The following PARD3 variants were observed in gnomAD, a reference collection of about 807,000 sequenced individuals.
The protein encoded by PARD3 is partitioning defective 3 homolog.
PARD3 carries 75 observed loss-of-function variants against 155.4 expected under a neutral mutation model. The ratio of observed to expected loss-of-function variants is 0.48; its 90% CI spans 0.40 to 0.58. The LOEUF (loss-of-function observed/expected upper bound fraction) is 0.58, where lower values mean the gene tolerates loss of function less well. Among genes scored for constraint, PARD3 ranks in the 20% least tolerant of loss-of-function variants. The probability of loss-of-function intolerance (pLI) is 0.00; values close to 1 mark genes in which losing one functional copy is unlikely to be tolerated. For missense variants in PARD3, 1,642 were observed against 1,721.7 expected, an observed-to-expected ratio of 0.95 and a Z score of 0.82; for synonymous variants, 576 against 610.5, an observed-to-expected ratio of 0.94 and a Z score of 0.83.
At chr10:34,182,653 G>C (rs1020800542) in intron 22 of PARD3, among the ~76,000 whole-genome samples, 2 of 148,554 alleles carry the variant, frequency 1.3e-5, no homozygotes, top group Non-Finnish European at 3.0e-5. Context: ...AAAAGATCAC[G>C]AACAAATCTT....
rs1346336761 is a variant in PARD3 at position 34,517,014 on chromosome 10, C to T, written c.368G>A (p.Ser123Asn). 3.7e-6 allele frequency: 6 copies of T among 1,614,052 alleles called. No homozygotes were observed. The South Asian group carries it at 4.4e-5, about 12-fold the overall frequency. The change falls in exon 3 of 25, where the codon AGT becomes AAT. Residue 123 changes from serine (S) to asparagine (N), a missense_variant. By Grantham distance (46) the Ser-to-Asn change is conservative. Coordinates refer to ENST00000374788, the MANE Select transcript of PARD3 (RefSeq NM_001184785.2). ...GACTGAAGGTGTGACCTCAATTTCA[C>T]TTGTTGCTTGGTAAGGCTGAAAGGC... ...VSAFQPYQATSEIEVTPSVLR... is the reference protein window; with the variant it reads ...VSAFQPYQATNEIEVTPSVLR...
intron 2 of PARD3, among the ~76,000 whole-genome samples, chr10:34,617,770 T>G (rs2091358625): frequency 6.6e-6 from 1 of 152,174 alleles, no homozygotes; most frequent in Non-Finnish European, 1.5e-5. Flanking sequence ...GGGACTGGCT[T>G]CATAAATTTA....
intron 5 of PARD3, among the ~76,000 whole-genome samples, chr10:34,408,397 T>A (rs546890034): frequency 6.6e-6 from 1 of 152,310 alleles, no homozygotes; most frequent in South Asian, 2.1e-4. Flanking sequence ...TTTCCTAACT[T>A]AATGAGAGAC....
intron 14 of PARD3, among the ~76,000 whole-genome samples, chr10:34,351,245 A>G (rs1024949991): frequency 7.1e-6 from 1 of 141,460 alleles, no homozygotes; most frequent in South Asian, 2.8e-4. Flanking sequence ...ATTATTCAAT[A>G]TTTCAGTTTT....
At chr10:34,569,428 T>TA (rs993422802) in intron 2 of PARD3, among the ~76,000 whole-genome samples, 29 of 152,228 alleles carry the variant, frequency 1.9e-4, no homozygotes, top group African/African-American at 6.5e-4. Flanking sequence ...TATATATATA[T>TA]TTTTTTGGAG....
At chr10:34,746,318 A>G (rs1182734015) in intron 1 of PARD3, among the ~76,000 whole-genome samples, 2 of 151,728 alleles carry the variant, frequency 1.3e-5, no homozygotes, top group Non-Finnish European at 2.9e-5. Flanking sequence ...GCATGGCAGC[A>G]CACACCTACA....
intron 2 of PARD3, among the ~76,000 whole-genome samples, chr10:34,674,739 G>A (rs982004156): frequency 2.0e-5 from 3 of 151,946 alleles, no homozygotes; most frequent in East Asian, 1.9e-4. Flanking sequence ...CACCTGTCTC[G>A]GCCTCCCAAA....
chr10:34,272,393 T>C (rs1349292698), intron 21 of PARD3, among the ~76,000 whole-genome samples: 1 of 152,128 alleles, frequency 6.6e-6, no homozygotes, highest in Admixed American at 6.6e-5. Context: ...GAAAAAAATA[T>C]TTGCAAGGCA....
intron 19 of PARD3, among the ~76,000 whole-genome samples, chr10:34,328,671 C>T (rs1169250854): frequency 6.6e-6 from 1 of 152,142 alleles, no homozygotes; most frequent in African/African-American, 2.4e-5. Context: ...TAGTCCAAAT[C>T]TTCAGTTTTA....
intron 3 of PARD3, among the ~76,000 whole-genome samples, chr10:34,491,463 C>G (rs2079901389): frequency 6.6e-6 from 1 of 152,114 alleles, no homozygotes; most frequent in African/African-American, 2.4e-5. Context: ...TTTTCTAACA[C>G]CTCTTTGAAT....
intron 3 of PARD3, among the ~76,000 whole-genome samples, chr10:34,510,576 A>C (rs989469339): frequency 6.6e-6 from 1 of 152,338 alleles, no homozygotes; most frequent in East Asian, 1.9e-4. Context: ...TTCAAGCCTA[A>C]AAAAGATTAG....
At chr10:34,762,046 C>G (rs1356841668) in intron 1 of PARD3, among the ~76,000 whole-genome samples, 1 of 152,086 alleles carries the variant, frequency 6.6e-6, no homozygotes, top group African/African-American at 2.4e-5. Flanking sequence ...CTAGTTTACA[C>G]CCATACTTTT....
At position 34,395,697 on chromosome 10, in the gene PARD3, C is replaced by T. The variant is rs1182642705; in HGVS notation, c.890+3633G>A. On this transcript the variant is annotated intron_variant, in intron 7 of 24. Transcript: ENST00000374788. Reference sequence around the variant, plus strand: ...CTAAAAATACAAAAAATTAGCCGGGCGCGGTGGCGGGCGCCTGTAGTCCCA... The same window carrying T: ...CTAAAAATACAAAAAATTAGCCGGGTGCGGTGGCGGGCGCCTGTAGTCCCA... Among the ~76,000 whole-genome samples the T allele has an allele frequency of 5.0e-5, 4 of 79,424 alleles. 1 individual carries two copies. The highest frequency in any genetic ancestry group is 4.7e-4 in the South Asian group (1 of 2,146). 52.1% of individuals were successfully genotyped at this position (79,424 alleles called of 152,430 possible). A position where few individuals can be genotyped will look rare whatever the true frequency, so the allele number is the denominator to read the frequency against.
Position 34,244,422 on chromosome 10 carries a change from T to G in PARD3, c.3419+25235A>C, listed in dbSNP as rs564135273. Among the ~76,000 whole-genome samples, 12 of 152,318 alleles carry G rather than the reference T, an allele frequency of 7.9e-5. No homozygotes were observed. In the South Asian group the frequency reaches 1.7e-3, roughly 21 times the overall value. On this transcript the variant is annotated intron_variant, in intron 22 of 24. Coordinates refer to ENST00000374788, the MANE Select transcript of PARD3 (RefSeq NM_001184785.2). ...AGAAAACACAGACGAACAGAGATAC[T>G]GAAGGGCCTCAAAATAACCTACATA...
intron 2 of PARD3, among the ~76,000 whole-genome samples, chr10:34,590,347 T>C (rs1048816002): frequency 2.6e-5 from 4 of 152,212 alleles, no homozygotes; most frequent in Non-Finnish European, 5.9e-5. Context: ...TCAGAATATA[T>C]GAGGAATTGT....
rs909911361 is a variant in PARD3, at chr10:34,276,769, G to A, written c.3177-6870C>T. 6.7e-4 allele frequency among the ~76,000 whole-genome samples: 102 copies of A among 151,990 alleles called. 1 individual carries two copies. The highest frequency in any genetic ancestry group is 2.4e-3 in the African/African-American group (100 of 41,490). On this transcript the variant is annotated intron_variant, in intron 21 of 24. Transcript: ENST00000374788. ...AACTCCTTGGGATGCAAAACCAGTG[G>A]TGTCCTTAAACCTCTCAGTTACATA...
intron 22 of PARD3, among the ~76,000 whole-genome samples, chr10:34,202,229 T>C (rs1300991217): frequency 6.6e-6 from 1 of 152,104 alleles, no homozygotes; most frequent in East Asian, 1.9e-4. Context: ...CATACCATAA[T>C]ACCCGGCTAA....
intron 2 of PARD3, among the ~76,000 whole-genome samples, chr10:34,648,536 T>G (rs2133028011): frequency 6.6e-6 from 1 of 152,298 alleles, no homozygotes; most frequent in East Asian, 1.9e-4. Context: ...GATGAAACCA[T>G]CTGGCCTCCG....
chr10:34,187,900 G>T (rs1004151577), intron 22 of PARD3, among the ~76,000 whole-genome samples: 29 of 152,046 alleles, frequency 1.9e-4, no homozygotes, highest in African/African-American at 6.3e-4. Flanking sequence ...CTCTACCGTG[G>T]CGATGAAAAA....
Sources: allele counts gnomAD v4.1 joint callset (sites outside exome capture counted in the v4.1 genomes callset), GRCh38; gene constraint gnomAD v4.1.1; transcripts MANE v1.5; gene names NCBI Gene and HGNC (gene_info 2026-07-23, HGNC 2026-07-21).